Variants in ABTB2 observed in about 807,000 individuals in gnomAD.
ABTB2 encodes ankyrin repeat and BTB domain containing 2.
ABTB2 carries 56 observed loss-of-function variants against 104.1 expected under a neutral mutation model. The observed-to-expected ratio is 0.54, with a 90% CI of 0.43 to 0.67. The LOEUF (loss-of-function observed/expected upper bound fraction) is 0.67, where lower values mean the gene tolerates loss of function less well. ABTB2 is among the 30% of genes least tolerant of loss of function. The pLI is 0.00. For synonymous variants in ABTB2, 606 were observed against 608.2 expected (o/e 1.00, Z 0.05); for missense variants, 1,279 against 1,407.7 (o/e 0.91, Z 1.46).
At chr11:34,162,276 G>A (rs760694351) in intron 10 of ABTB2, among the ~76,000 whole-genome samples, 1 of 152,244 alleles carries the variant, frequency 6.6e-6, no homozygotes, top group Non-Finnish European at 1.5e-5. Context: ...TCCCTGGGCT[G>A]TGACTGGGGA....
chr11:34,244,303 G>A (rs528810339), intron 1 of ABTB2, among the ~76,000 whole-genome samples: 1 of 152,142 alleles, frequency 6.6e-6, no homozygotes, highest in Non-Finnish European at 1.5e-5. Flanking sequence ...CCTGACCTTT[G>A]AAAACTCAAA....
chr11:34,265,877 G>C (rs1385660619), intron 1 of ABTB2, among the ~76,000 whole-genome samples: 1 of 150,968 alleles, frequency 6.6e-6, no homozygotes, highest in African/African-American at 2.4e-5. Flanking sequence ...GCTGAGGCAG[G>C]AGAATCGCTT....
intron 1 of ABTB2, among the ~76,000 whole-genome samples, chr11:34,238,675 G>C (rs1392604777): frequency 6.6e-6 from 1 of 152,216 alleles, no homozygotes; most frequent in Non-Finnish European, 1.5e-5. Flanking sequence ...ACTGGCCTGA[G>C]CTCACAGCCT....
At chr11:34,259,668 G>A (rs565668928) in intron 1 of ABTB2, among the ~76,000 whole-genome samples, 21 of 152,224 alleles carry the variant, frequency 1.4e-4, no homozygotes, top group Non-Finnish European at 2.2e-4. Context: ...AAAGGTGACC[G>A]GTTACATTAA....
chr11:34,249,957 C>T (rs1342583973), intron 1 of ABTB2, among the ~76,000 whole-genome samples: 1 of 152,182 alleles, frequency 6.6e-6, no homozygotes, highest in East Asian at 1.9e-4. Context: ...GGCAGAATAA[C>T]CCCAATGGTG....
intron 1 of ABTB2, among the ~76,000 whole-genome samples, chr11:34,264,790 C>T (rs186255224): frequency 2.0e-5 from 3 of 152,182 alleles, no homozygotes; most frequent in Non-Finnish European, 2.9e-5. Flanking sequence ...TCTGCTGGCC[C>T]GAGCCTGTAA....
At chr11:34,239,256 G>A (rs189573170) in intron 1 of ABTB2, among the ~76,000 whole-genome samples, 221 of 152,238 alleles carry the variant, frequency 1.5e-3, no homozygotes, top group African/African-American at 5.2e-3. Flanking sequence ...GGGTTTGTGC[G>A]CCCACCTCTG....
rs1852941933 is a variant in ABTB2 at position 34,174,902 on chromosome 11, C to T, written c.1245-1595G>A. 3.9e-5 allele frequency among the ~76,000 whole-genome samples: 6 copies of T among 152,386 alleles called. 1 individual carries two copies. The South Asian group carries it at 1.2e-3, about 32-fold the overall frequency. On this transcript the variant is annotated intron_variant, in intron 3 of 16. Transcript: ENST00000435224. ...GCCTGTTCCCAGCCCTTCCCGATGC[C>T]ACTCTTGTCCTTCCTTACAAATTAA...
At chr11:34,319,993 A>AC (rs1483713124) in intron 1 of ABTB2, among the ~76,000 whole-genome samples, 37 of 152,238 alleles carry the variant, frequency 2.4e-4, no homozygotes, top group Admixed American at 2.4e-3. Flanking sequence ...CAGGTGATCC[A>AC]CCCACCTTGG....
At chr11:34,178,926 A>G (rs530306579) in intron 3 of ABTB2, among the ~76,000 whole-genome samples, 2 of 152,150 alleles carry the variant, frequency 1.3e-5, no homozygotes, top group Non-Finnish European at 2.9e-5. Flanking sequence ...AAATACAAAA[A>G]TTAGCAGGGT....
intron 3 of ABTB2, among the ~76,000 whole-genome samples, chr11:34,195,075 C>CG (rs1461939590): frequency 0.26 from 4,627 of 17,708 alleles, 1,119 homozygotes; most frequent in Non-Finnish European, 0.42. Context: ...AGATGCCCGG[C>CG]GGGGGGGGGG....
chr11:34,213,815 G>C (rs370527935), intron 1 of ABTB2, among the ~76,000 whole-genome samples: 1 of 152,162 alleles, frequency 6.6e-6, no homozygotes, highest in East Asian at 1.9e-4. Flanking sequence ...CAGTGCAATA[G>C]TCACAACATT....
In ABTB2 at chr11:34,357,621, C is replaced by T; in HGVS notation, c.-38G>A. On this transcript the variant is annotated 5_prime_UTR_variant, in exon 1 of 17. Coordinates refer to ENST00000435224, the MANE Select transcript of ABTB2 (RefSeq NM_145804.3). ...GAGGGCGGCGTCGCCGAGCGAGGGG[C>T]ACTCACAACTCCATGCCCTCTTTCC... The T allele has an allele frequency of 6.8e-7, 1 of 1,479,286 alleles. No homozygotes were observed. The highest frequency in any genetic ancestry group is 9.0e-7 in the Non-Finnish European group (1 of 1,113,526). The allele number at this position is 1,479,286 out of a possible 1,614,324, so 91.6% of individuals were successfully genotyped here.
intron 14 of ABTB2, among the ~76,000 whole-genome samples, chr11:34,156,886 A>C (rs758515298): frequency 6.6e-6 from 1 of 152,224 alleles, no homozygotes; most frequent in Non-Finnish European, 1.5e-5. Flanking sequence ...GTAAGTTCAA[A>C]AATATTAAAA....
chr11:34,338,856 A>G (rs1214339717), intron 1 of ABTB2, among the ~76,000 whole-genome samples: 1 of 152,216 alleles, frequency 6.6e-6, no homozygotes, highest in African/African-American at 2.4e-5. Context: ...CCTTGGAGGA[A>G]AAAAGCAGAA....
intron 3 of ABTB2, among the ~76,000 whole-genome samples, chr11:34,179,503 T>G (rs996899822): frequency 2.6e-5 from 4 of 152,142 alleles, no homozygotes; most frequent in African/African-American, 9.7e-5. Flanking sequence ...CACGGTCTGG[T>G]GAATCCTAGA....
intron 1 of ABTB2, among the ~76,000 whole-genome samples, chr11:34,334,804 T>C (rs1855174544): frequency 6.6e-6 from 1 of 152,106 alleles, no homozygotes; most frequent in South Asian, 2.1e-4. Context: ...GTGTGATTTA[T>C]TTTTGGAAGA....
At chr11:34,229,305 A>G (rs1486285674) in intron 1 of ABTB2, among the ~76,000 whole-genome samples, 1 of 151,044 alleles carries the variant, frequency 6.6e-6, no homozygotes, top group African/African-American at 2.4e-5. Context: ...ACACGATGAA[A>G]CCCGTCTCTA....
intron 1 of ABTB2, among the ~76,000 whole-genome samples, chr11:34,306,466 C>T (rs147793101): frequency 0.023 from 3,496 of 151,916 alleles, 133 homozygotes; most frequent in African/African-American, 0.08. Context: ...AGGATGGTCT[C>T]GAACTCCTGA....
Sources: allele counts gnomAD v4.1 joint callset (sites outside exome capture counted in the v4.1 genomes callset), GRCh38; gene constraint gnomAD v4.1.1; transcripts MANE v1.5; gene names NCBI Gene and HGNC (gene_info 2026-07-23, HGNC 2026-07-21).